The following GALNT13 variants were observed in gnomAD, a reference collection of about 807,000 sequenced individuals.
GALNT13 encodes UDP-GalNAc:polypeptide N-acetylgalactosaminyltransferase 13.
Under a neutral mutation model 64.2 loss-of-function variants are expected in GALNT13, and 28 were observed. The ratio of observed to expected loss-of-function variants is 0.44; its 90% CI spans 0.32 to 0.60. GALNT13 has a LOEUF of 0.60. Among genes scored for constraint, GALNT13 ranks in the 20% least tolerant of loss-of-function variants. GALNT13 has a pLI of 0.05. For missense variants in GALNT13, 577 were observed against 669.8 expected (o/e 0.86, Z 1.53); for synonymous variants, 214 against 224.6 (o/e 0.95, Z 0.42).
At chr2:154,266,761 T>C (rs1348207268) in intron 8 of GALNT13, among the ~76,000 whole-genome samples, 2 of 151,744 alleles carry the variant, frequency 1.3e-5, no homozygotes, top group African/African-American at 4.8e-5. Context: ...TTCAATGCAA[T>C]AGTTAAGTGT....
the GALNT13 span, among the ~76,000 whole-genome samples, chr2:153,428,867 A>G: frequency 3.9e-5 from 6 of 152,302 alleles, no homozygotes; most frequent in South Asian, 2.1e-4. Context: ...TGTGGGTTCA[A>G]TCTTCTTCAT....
chr2:153,586,744 G>T, the GALNT13 span, among the ~76,000 whole-genome samples: 3 of 151,516 alleles, frequency 2.0e-5, no homozygotes. Flanking sequence ...TTTCTCATCA[G>T]TGCATGAAAT....
chr2:154,210,268 A>G (rs527413381), intron 4 of GALNT13, among the ~76,000 whole-genome samples: 8 of 152,286 alleles, frequency 5.3e-5, no homozygotes, highest in Non-Finnish European at 1.0e-4. Context: ...TCATATATTA[A>G]CTGTTGTGAA....
chr2:153,977,114 T>A (rs2105145409), intron 3 of GALNT13, among the ~76,000 whole-genome samples: 1 of 152,246 alleles, frequency 6.6e-6, no homozygotes, highest in Admixed American at 6.5e-5. Flanking sequence ...CTAGGTGTAG[T>A]AAGCTGTCAT....
chr2:153,872,879 C>T (rs2013559), intron 1 of GALNT13, among the ~76,000 whole-genome samples: 63,885 of 151,804 alleles, frequency 0.42, 14,289 homozygotes, highest in Admixed American at 0.57. Context: ...CCGTGTGTGT[C>T]TCTGCCTCTG....
At chr2:154,022,083 T>C (rs1201999201) in intron 3 of GALNT13, among the ~76,000 whole-genome samples, 4 of 152,202 alleles carry the variant, frequency 2.6e-5, no homozygotes, top group Admixed American at 6.5e-5. Flanking sequence ...AGCTTTTTGA[T>C]GTGCTGCTGG....
intron 3 of GALNT13, among the ~76,000 whole-genome samples, chr2:154,066,577 A>G (rs933799308): frequency 6.6e-6 from 1 of 152,108 alleles, no homozygotes; most frequent in Non-Finnish European, 1.5e-5. Flanking sequence ...ATGAAATGAC[A>G]TATTTAAAGT....
At chr2:153,387,574 A>C in the GALNT13 span, among the ~76,000 whole-genome samples, 1 of 152,064 alleles carries the variant, frequency 6.6e-6, no homozygotes, top group Non-Finnish European at 1.5e-5. Flanking sequence ...ATTATTATTA[A>C]ATTTCTACAT....
chr2:154,078,732 A>G (rs1435158257), intron 3 of GALNT13, among the ~76,000 whole-genome samples: 1 of 151,618 alleles, frequency 6.6e-6, no homozygotes, highest in Non-Finnish European at 1.5e-5. Flanking sequence ...AACTCAATAA[A>G]TGATAGAGAA....
chr2:154,060,622 G>T (rs1386901496), intron 3 of GALNT13, among the ~76,000 whole-genome samples: 1 of 152,110 alleles, frequency 6.6e-6, no homozygotes, highest in Non-Finnish European at 1.5e-5. Flanking sequence ...CTCCCAAAGT[G>T]CTGGGACCAC....
At chr2:154,348,206 G>A (rs973875253) in intron 9 of GALNT13, among the ~76,000 whole-genome samples, 7 of 152,062 alleles carry the variant, frequency 4.6e-5, no homozygotes, top group Non-Finnish European at 1.0e-4. Flanking sequence ...AACTCCTGGC[G>A]CTTAACCACT....
upstream of GALNT13, among the ~76,000 whole-genome samples, chr2:153,868,885 A>G (rs1685806504): frequency 6.6e-6 from 1 of 152,244 alleles, no homozygotes; most frequent in South Asian, 2.1e-4. Context: ...GTTTGAAAAA[A>G]TATGACTTTT....
At chr2:154,186,198 A>G (rs1212077533) in intron 4 of GALNT13, among the ~76,000 whole-genome samples, 3 of 152,076 alleles carry the variant, frequency 2.0e-5, no homozygotes, top group Non-Finnish European at 4.4e-5. Context: ...CATGAATAGC[A>G]GCATTATTTT....
chr2:154,154,547 C>T (rs1684286541), intron 4 of GALNT13, among the ~76,000 whole-genome samples: 1 of 151,964 alleles, frequency 6.6e-6, no homozygotes, highest in Non-Finnish European at 1.5e-5. Flanking sequence ...ATAAGAGAAG[C>T]CTGAATTTAA....
the GALNT13 span, among the ~76,000 whole-genome samples, chr2:153,623,402 T>C: frequency 6.6e-6 from 1 of 152,132 alleles, no homozygotes; most frequent in South Asian, 2.1e-4. Context: ...TTTCCTTTAC[T>C]GTGGCACTTG....
intron 4 of GALNT13, among the ~76,000 whole-genome samples, chr2:154,194,301 A>C (rs1036675442): frequency 8.5e-5 from 13 of 152,296 alleles, no homozygotes; most frequent in African/African-American, 3.1e-4. Flanking sequence ...TTGACTCTAG[A>C]CCATTATTCA....
chr2:153,221,526 G>A, the GALNT13 span, among the ~76,000 whole-genome samples: 1 of 152,210 alleles, frequency 6.6e-6, no homozygotes, highest in Admixed American at 6.5e-5. Flanking sequence ...GATTCTTCAA[G>A]TGTTGCTTTT....
intron 3 of GALNT13, among the ~76,000 whole-genome samples, chr2:154,129,390 A>G (rs1324632515): frequency 6.6e-6 from 1 of 152,226 alleles, no homozygotes; most frequent in Non-Finnish European, 1.5e-5. Context: ...TGCCAGTAAT[A>G]ATAATCAGTA....
At chr2:153,205,358 C>T in the GALNT13 span, among the ~76,000 whole-genome samples, 4 of 151,966 alleles carry the variant, frequency 2.6e-5, no homozygotes, top group East Asian at 1.9e-4. Flanking sequence ...AATGTCACTT[C>T]CGTCTTCTCA....
Sources: gnomAD v4.1 joint callset for allele counts (sites outside exome capture counted in the v4.1 genomes callset) on GRCh38, gnomAD v4.1.1 for gene constraint, MANE v1.5 for transcripts, NCBI Gene and HGNC (gene_info 2026-07-23, HGNC 2026-07-21) for gene names.